ITPR2: variants seen among roughly 807,000 people sequenced by gnomAD.
The protein encoded by ITPR2 is inositol 1,4,5-trisphosphate-gated calcium channel ITPR2.
A neutral mutation model predicts 317.1 loss-of-function variants in ITPR2; 207 were observed. That is an observed-to-expected ratio of 0.65 (90% CI 0.58 to 0.73). The LOEUF (loss-of-function observed/expected upper bound fraction) is 0.73, where lower values mean the gene tolerates loss of function less well. Ranked by LOEUF, ITPR2 falls within the 30% of genes least tolerant of loss-of-function variation. The pLI is 0.00. For synonymous variants in ITPR2, 1,156 were observed against 1,149.1 expected (o/e 1.01, Z -0.12); for missense variants, 2,613 against 3,284.0 (o/e 0.80, Z 4.99).
At chr12:26,754,644 G>A (rs1488315265) in intron 2 of ITPR2, among the ~76,000 whole-genome samples, 2 of 152,188 alleles carry the variant, frequency 1.3e-5, no homozygotes, top group South Asian at 4.1e-4. Flanking sequence ...TTTTAAGTAA[G>A]ATAGGAAAAG....
chr12:26,484,714 C>T (rs1163183956), intron 41 of ITPR2, among the ~76,000 whole-genome samples: 2 of 151,860 alleles, frequency 1.3e-5, no homozygotes, highest in South Asian at 2.1e-4. Flanking sequence ...CCATAAAATA[C>T]GATTTTTTTT....
At chr12:26,648,526 T>TA (rs1181961907) in intron 21 of ITPR2, among the ~76,000 whole-genome samples, 2 of 149,990 alleles carry the variant, frequency 1.3e-5, no homozygotes, top group Admixed American at 6.6e-5. Context: ...TTTTTTTTTT[T>TA]AATTGTACTT....
chr12:26,808,223 T>C (rs1950671830), intron 1 of ITPR2, among the ~76,000 whole-genome samples: 1 of 152,212 alleles, frequency 6.6e-6, no homozygotes, highest in Non-Finnish European at 1.5e-5. Context: ...ATGGAGCCCT[T>C]GGTTCCAGTT....
intron 1 of ITPR2, among the ~76,000 whole-genome samples, chr12:26,792,166 TAA>T (rs1950352233): frequency 6.6e-6 from 1 of 151,992 alleles, no homozygotes; most frequent in Admixed American, 6.5e-5. Context: ...ACATAATAAT[TAA>T]GAGTGACTTC....
intron 47 of ITPR2, among the ~76,000 whole-genome samples, chr12:26,438,434 T>A (rs537876331): frequency 6.6e-6 from 1 of 152,156 alleles, no homozygotes; most frequent in South Asian, 2.1e-4. Flanking sequence ...AAAGACCTAC[T>A]CAAGAGTTTC....
intron 55 of ITPR2, among the ~76,000 whole-genome samples, chr12:26,350,549 G>A (rs1487939661): frequency 1.3e-5 from 2 of 152,128 alleles, no homozygotes; most frequent in Admixed American, 1.3e-4. Flanking sequence ...ATAGCACCAA[G>A]TCTGAAAGCA....
At chr12:26,676,648 G>A (rs956865362) in intron 13 of ITPR2, among the ~76,000 whole-genome samples, 18 of 151,558 alleles carry the variant, frequency 1.2e-4, no homozygotes, top group African/African-American at 3.6e-4. Flanking sequence ...GGAGGAAGAC[G>A]TAAAGAAAGG....
chr12:26,625,375 C>A lies in ITPR2; in HGVS notation c.3065-1019G>T, dbSNP rs189439507. On this transcript the variant is annotated intron_variant, in intron 23 of 56. Transcript: ENST00000381340. ...CAAAAGATAAATGCTTGAGGTGATGCATACCTCATTTATCCTGATATGATT... is the reference window on the plus strand; with the variant it reads ...CAAAAGATAAATGCTTGAGGTGATGAATACCTCATTTATCCTGATATGATT... Among the ~76,000 whole-genome samples the A allele has an allele frequency of 3.9e-5, 6 of 152,012 alleles. No homozygotes were observed. The East Asian group carries it at 9.7e-4, about 24-fold the overall frequency.
chr12:26,414,726 C>T (rs945163159), intron 51 of ITPR2, among the ~76,000 whole-genome samples: 7 of 152,082 alleles, frequency 4.6e-5, no homozygotes, highest in African/African-American at 2.4e-5. Flanking sequence ...TAACCAGTCA[C>T]GACAAAAATA....
chr12:26,790,361 T>A, intron 1 of ITPR2, 134 bp from the exon 2 acceptor site: 1 of 657,792 alleles, frequency 1.5e-6, no homozygotes, highest in East Asian at 2.7e-5. Context: ...TTAACAATCA[T>A]GGGTCTGTAA....
Position 26,439,322 on chromosome 12 carries a change from G to A in ITPR2, c.6451-3C>T. On this transcript the variant is annotated splice_polypyrimidine_tract_variant and splice_region_variant and intron_variant, in intron 46 of 56. Coordinates refer to ENST00000381340, the MANE Select transcript of ITPR2 (RefSeq NM_002223.4). ...ATGGTCCTATCATGCCGGACAATCT[G>A]AAAACATTAATTTGCATTGTTTTTA... is the stretch of plus-strand genomic sequence containing the variant. 2 of 1,585,846 alleles carry A rather than the reference G, an allele frequency of 1.3e-6. No homozygotes were observed. Among genetic ancestry groups the A allele is most frequent in the Non-Finnish European group, 1.7e-6 (2 of 1,166,558 alleles).
At chr12:26,690,693 T>C (rs12424645) in intron 10 of ITPR2, among the ~76,000 whole-genome samples, 28,390 of 152,076 alleles carry the variant, frequency 0.19, 3,564 homozygotes, top group East Asian at 0.55. Flanking sequence ...CTACACTCCT[T>C]GGTAATGTCT....
intron 43 of ITPR2, among the ~76,000 whole-genome samples, chr12:26,478,235 T>C (rs1414337113): frequency 6.6e-6 from 1 of 152,158 alleles, no homozygotes; most frequent in Non-Finnish European, 1.5e-5. Context: ...TGATTGACAC[T>C]AATGTCACTG....
intron 2 of ITPR2, among the ~76,000 whole-genome samples, chr12:26,780,097 G>A (rs1423060447): frequency 1.3e-5 from 2 of 152,202 alleles, no homozygotes; most frequent in Non-Finnish European, 2.9e-5. Flanking sequence ...CATGAACAAA[G>A]TGGCTATGGT....
intron 13 of ITPR2, among the ~76,000 whole-genome samples, chr12:26,677,068 A>G (rs180683067): frequency 3.9e-4 from 59 of 149,978 alleles, no homozygotes; most frequent in African/African-American, 1.4e-3. Flanking sequence ...TATATGGTCA[A>G]AATGTACGAT....
At chr12:26,626,543 C>A (rs1240841570) in intron 23 of ITPR2, among the ~76,000 whole-genome samples, 1 of 152,200 alleles carries the variant, frequency 6.6e-6, no homozygotes, top group Non-Finnish European at 1.5e-5. Flanking sequence ...CAACCGCCAG[C>A]AAGACTTCCT....
chr12:26,690,694 G>A (rs1474981037), intron 10 of ITPR2, among the ~76,000 whole-genome samples: 2 of 152,086 alleles, frequency 1.3e-5, no homozygotes, highest in East Asian at 1.9e-4. Context: ...TACACTCCTT[G>A]GTAATGTCTC....
At chr12:26,447,780 C>A (rs1941642396) in intron 45 of ITPR2, among the ~76,000 whole-genome samples, 1 of 151,910 alleles carries the variant, frequency 6.6e-6, no homozygotes, top group South Asian at 2.1e-4. Context: ...TCCAAATTAA[C>A]AGTTTACTAA....
intron 37 of ITPR2, among the ~76,000 whole-genome samples, chr12:26,540,966 C>A (rs890238081): frequency 3.3e-5 from 5 of 151,840 alleles, no homozygotes; most frequent in Admixed American, 1.3e-4. Flanking sequence ...AAGAACACAT[C>A]AACTCATTTT....
Sources: gnomAD v4.1 joint callset for allele counts (sites outside exome capture counted in the v4.1 genomes callset) on GRCh38, gnomAD v4.1.1 for gene constraint, MANE v1.5 for transcripts, NCBI Gene and HGNC (gene_info 2026-07-23, HGNC 2026-07-21) for gene names.